ZFPM2: variants seen among roughly 807,000 people sequenced by gnomAD.
ZFPM2 encodes the protein zinc finger protein ZFPM2.
A neutral mutation model predicts 98.6 loss-of-function variants in ZFPM2; 20 were observed. The observed-to-expected ratio is 0.20, with a 90% CI of 0.14 to 0.29. ZFPM2 has a LOEUF of 0.29. Ranked by LOEUF, ZFPM2 falls within the 10% of genes least tolerant of loss-of-function variation. The pLI, the probability that ZFPM2 is intolerant of heterozygous loss-of-function variation, is 1.00. For synonymous variants in ZFPM2, 518 were observed against 502.7 expected, an observed-to-expected ratio of 1.03 and a Z score of -0.41; for missense variants, 1,310 against 1,388.6, an observed-to-expected ratio of 0.94 and a Z score of 0.90.
intron 1 of ZFPM2, among the ~76,000 whole-genome samples, chr8:105,323,115 T>A (rs759753862): frequency 5.3e-5 from 8 of 151,832 alleles, no homozygotes; most frequent in Non-Finnish European, 8.8e-5. Context: ...TGGCTATTTT[T>A]CATTGTTCTA....
chr8:105,693,504 A>C (rs1481000633), intron 5 of ZFPM2, among the ~76,000 whole-genome samples: 1 of 152,210 alleles, frequency 6.6e-6, no homozygotes, highest in African/African-American at 2.4e-5. Flanking sequence ...CCCAACATTT[A>C]GGAAAATATA....
intron 5 of ZFPM2, among the ~76,000 whole-genome samples, chr8:105,735,982 G>C (rs1812063322): frequency 6.6e-6 from 1 of 151,954 alleles, no homozygotes; most frequent in Non-Finnish European, 1.5e-5. Context: ...TACTCTATGG[G>C]AAATTTTGCT....
chr8:105,449,969 C>T (rs771066083), intron 3 of ZFPM2, among the ~76,000 whole-genome samples: 23 of 151,940 alleles, frequency 1.5e-4, no homozygotes, highest in Admixed American at 3.3e-4. Flanking sequence ...TAAAAGTCAT[C>T]GTAGTATTAT....
At chr8:105,649,506 G>T (rs1445823144) in intron 5 of ZFPM2, among the ~76,000 whole-genome samples, 4 of 152,216 alleles carry the variant, frequency 2.6e-5, no homozygotes, top group East Asian at 1.9e-4. Context: ...TGTATGATAT[G>T]GGCTGTGGGT....
At chr8:105,574,814 T>TC (rs1184636397) in intron 4 of ZFPM2, among the ~76,000 whole-genome samples, 2 of 150,520 alleles carry the variant, frequency 1.3e-5, no homozygotes, top group Non-Finnish European at 3.0e-5. Context: ...CCACCTCTCC[T>TC]CTGAAAGCCA....
chr8:105,777,137 G>T (rs1045591982), intron 5 of ZFPM2, among the ~76,000 whole-genome samples: 3 of 152,142 alleles, frequency 2.0e-5, no homozygotes, highest in Admixed American at 2.0e-4. Flanking sequence ...AAACCAGAGT[G>T]CAGTTTTTAT....
intron 3 of ZFPM2, among the ~76,000 whole-genome samples, chr8:105,446,318 A>C (rs894970248): frequency 2.2e-4 from 34 of 152,302 alleles, no homozygotes; most frequent in Admixed American, 2.0e-3. Context: ...CTGCTTGCGA[A>C]AAGGTACATT....
chr8:105,536,889 C>G (rs1048767267), intron 3 of ZFPM2, among the ~76,000 whole-genome samples: 5 of 152,136 alleles, frequency 3.3e-5, no homozygotes, highest in African/African-American at 1.2e-4. Flanking sequence ...GCATCTTCCC[C>G]TGAGCTATAA....
intron 5 of ZFPM2, among the ~76,000 whole-genome samples, chr8:105,760,697 T>C (rs1276995043): frequency 6.6e-6 from 1 of 152,064 alleles, no homozygotes; most frequent in Non-Finnish European, 1.5e-5. Flanking sequence ...TAAGAAGATA[T>C]ATTTGAAAAA....
At position 105,748,730 on chromosome 8, in the gene ZFPM2, AC is replaced by A. The variant is rs1334408138; in HGVS notation, c.533-39987del. 3.3e-5 allele frequency among the ~76,000 whole-genome samples: 5 copies of A among 152,086 alleles called. 1 individual carries two copies. Among genetic ancestry groups the A allele is most frequent in the African/African-American group, 9.7e-5 (4 of 41,436 alleles). ...TTTGAGGTTCTTGCTGGTTTGAAGTACTAAACTGATAGCACCACTTTCTCTG... is the reference window on the plus strand; with the variant it reads ...TTTGAGGTTCTTGCTGGTTTGAAGTATAAACTGATAGCACCACTTTCTCTG... On this transcript the variant is annotated intron_variant, in intron 5 of 7. Coordinates refer to ENST00000407775, the MANE Select transcript of ZFPM2 (RefSeq NM_012082.4).
chr8:105,525,276 G>A (rs771562963), intron 3 of ZFPM2, among the ~76,000 whole-genome samples: 49 of 152,168 alleles, frequency 3.2e-4, no homozygotes, highest in East Asian at 1.9e-4. Flanking sequence ...TGTTGCCATC[G>A]GCACAGTTAC....
chr8:105,438,687 C>T (rs1227226965), intron 2 of ZFPM2, among the ~76,000 whole-genome samples: 1 of 152,120 alleles, frequency 6.6e-6, no homozygotes, highest in Non-Finnish European at 1.5e-5. Context: ...ACTCAAAAGA[C>T]CCGAAGTCTG....
intron 3 of ZFPM2, among the ~76,000 whole-genome samples, chr8:105,514,104 G>A (rs1355842077): frequency 1.3e-5 from 2 of 149,858 alleles, no homozygotes; most frequent in Non-Finnish European, 3.0e-5. Context: ...CCAGGTTCAA[G>A]TGATTCTCCT....
At chr8:105,634,036 T>G (rs1380389038) in intron 4 of ZFPM2, among the ~76,000 whole-genome samples, 1 of 152,072 alleles carries the variant, frequency 6.6e-6, no homozygotes, top group African/African-American at 2.4e-5. Context: ...AAATCCTTGA[T>G]AATATTTCTA....
At chr8:105,462,477 A>G (rs1194908341) in intron 3 of ZFPM2, among the ~76,000 whole-genome samples, 5 of 152,168 alleles carry the variant, frequency 3.3e-5, no homozygotes, top group Admixed American at 3.3e-4. Context: ...GAAGGAAGGT[A>G]AAGGTAATGG....
intron 5 of ZFPM2, among the ~76,000 whole-genome samples, chr8:105,695,045 G>T (rs1390887290): frequency 6.6e-6 from 1 of 152,104 alleles, no homozygotes; most frequent in Non-Finnish European, 1.5e-5. Flanking sequence ...ACCATCCTCA[G>T]TAGAATCAGA....
chr8:105,413,557 A>G (rs1189037200), intron 1 of ZFPM2, among the ~76,000 whole-genome samples: 2 of 150,012 alleles, frequency 1.3e-5, no homozygotes, highest in South Asian at 2.1e-4. Context: ...ATATATATGT[A>G]TGTTTCTTCA....
chr8:105,375,464 C>T (rs548664335), intron 1 of ZFPM2, among the ~76,000 whole-genome samples: 1 of 152,262 alleles, frequency 6.6e-6, no homozygotes, highest in African/African-American at 2.4e-5. Flanking sequence ...GGTGAAGACT[C>T]TGGTCTCTTA....
intron 4 of ZFPM2, among the ~76,000 whole-genome samples, chr8:105,605,197 A>T (rs1414775449): frequency 6.6e-6 from 1 of 152,096 alleles, no homozygotes; most frequent in Non-Finnish European, 1.5e-5. Flanking sequence ...ATAGTAGAAA[A>T]CTGTGACCCA....
Sources: gnomAD v4.1 joint callset for allele counts (sites outside exome capture counted in the v4.1 genomes callset) on GRCh38, gnomAD v4.1.1 for gene constraint, MANE v1.5 for transcripts, NCBI Gene and HGNC (gene_info 2026-07-23, HGNC 2026-07-21) for gene names.